COL15A1: variants seen among roughly 807,000 people sequenced by gnomAD.
COL15A1 encodes collagen alpha-1(XV) chain.
COL15A1 carries 111 observed loss-of-function variants against 165.9 expected under a neutral mutation model. The observed-to-expected ratio is 0.67, with a 90% CI of 0.57 to 0.78. The LOEUF (loss-of-function observed/expected upper bound fraction) is 0.78, where lower values mean the gene tolerates loss of function less well. Ranked by LOEUF, COL15A1 falls within the 30% of genes least tolerant of loss-of-function variation. COL15A1 has a pLI of 0.00. For missense variants in COL15A1, 1,745 were observed against 1,789.7 expected, an observed-to-expected ratio of 0.98 and a Z score of 0.45; for synonymous variants, 659 against 674.8, an observed-to-expected ratio of 0.98 and a Z score of 0.36.
intron 14 of COL15A1, among the ~76,000 whole-genome samples, chr9:99,024,475 AG>A (rs1839088240): frequency 6.6e-6 from 1 of 151,962 alleles, no homozygotes; most frequent in Non-Finnish European, 1.5e-5. Context: ...TAGTAGAGAC[AG>A]GGTTTCACCA....
At position 99,015,976 on chromosome 9, in the gene COL15A1, G is replaced by A; in HGVS notation, c.1504G>A (p.Gly502Ser). Reference sequence around the variant, plus strand: ...GCCTTAATGCTGGTTTTGTTTTCAGGGTCCTGGTGATGAAGAAGACTTGGC... The same window carrying A: ...GCCTTAATGCTGGTTTTGTTTTCAGAGTCCTGGTGATGAAGAAGACTTGGC... Reference protein sequence around the residue: ...TMAPERAVTSGPGDEEDLAAA... With the variant: ...TMAPERAVTSSPGDEEDLAAA... Residue 502 changes from glycine to serine, a missense_variant and splice_region_variant, in exon 11 of 42, where the codon GGT becomes AGT. Transcript: ENST00000375001. The A allele has an allele frequency of 1.2e-6, 2 of 1,613,348 alleles. No homozygotes were observed. Among genetic ancestry groups the A allele is most frequent in the Non-Finnish European group, 1.7e-6 (2 of 1,179,670 alleles).
intron 2 of COL15A1, among the ~76,000 whole-genome samples, chr9:98,952,862 G>A (rs1837713962): frequency 6.6e-6 from 1 of 152,098 alleles, no homozygotes; most frequent in Non-Finnish European, 1.5e-5. Flanking sequence ...TGGTATCTCT[G>A]TATTACTGAT....
chr9:99,060,248 A>T (rs1346980336), intron 36 of COL15A1, among the ~76,000 whole-genome samples: 10,264 of 104,048 alleles, frequency 0.099, 624 homozygotes, highest in East Asian at 0.4. Context: ...ATATATATAT[A>T]TATATATATT....
rs1588520820 is a variant in COL15A1 at position 99,024,885 on chromosome 9, A to AC, written c.1871dup (p.Gly625ArgfsTer15). 1 of 1,612,740 alleles carries AC rather than the reference A, an allele frequency of 6.2e-7. No homozygotes were observed. The highest frequency in any genetic ancestry group is 8.5e-7 in the Non-Finnish European group (1 of 1,179,536). ...CTTTGTGTTTTTAGGGTCCTCCAGG[A>AC]CCCCCAGGGCCACCTGGCTTACCTG... On this transcript the variant is annotated frameshift_variant, in exon 15 of 42. Transcript: ENST00000375001. LOFTEE classifies it high-confidence loss of function.
rs752342710 is a variant in COL15A1 at position 99,047,947 on chromosome 9, C to T, written c.2740C>T (p.Pro914Ser). 5.6e-6 allele frequency: 9 copies of T among 1,609,596 alleles called. No individual in the cohort carries two copies. The highest frequency in any genetic ancestry group is 7.6e-6 in the Non-Finnish European group (9 of 1,176,702). The change falls in exon 28 of 42, where the codon CCA (proline) becomes TCA (serine). Residue 914 changes from proline (P) to serine (S), a missense_variant. By Grantham distance (74) the Pro-to-Ser change is moderately conservative. Coordinates refer to ENST00000375001, the MANE Select transcript of COL15A1 (RefSeq NM_001855.5). ...EFGLPGRPGR[P>S]GLNGLKGTKG... is the part of the protein sequence containing the mutation. ...TGTCTGCTGTGGGTTCCAGGGTCGCCCAGGACTGAATGGCCTCAAGGGTAC... is the reference window on the plus strand; with the variant it reads ...TGTCTGCTGTGGGTTCCAGGGTCGCTCAGGACTGAATGGCCTCAAGGGTAC...
Position 99,005,026 on chromosome 9 carries a change from G to A in COL15A1, c.1329G>A (p.Gln443=), listed in dbSNP as rs762809677. The A allele has an allele frequency of 1.9e-6, 3 of 1,611,382 alleles. No individual in the cohort carries two copies. The highest frequency in any genetic ancestry group is 1.3e-5 in the African/African-American group (1 of 74,832). ...AGCTGGACCTCTCCATGTCCGCCCA[G>A]AGCCTCGGGGAAGAGGCCACTGTGG... ...PGELDLSMSA[Q]SLGEEATVGP... is the part of the protein sequence containing the mutation. Residue 443 remains glutamine, a synonymous_variant, in exon 9 of 42, where the codon CAG becomes CAA. Transcript: ENST00000375001.
rs1429898126 is a variant in COL15A1, at chr9:99,023,465, G to A, written c.1854+16G>A. 2 of 1,135,764 alleles carry A rather than the reference G, an allele frequency of 1.8e-6. No individual in the cohort carries two copies. The highest frequency in any genetic ancestry group is 3.1e-5 in the African/African-American group (2 of 65,238). 70.4% of individuals were successfully genotyped at this position (1,135,764 alleles called of 1,614,324 possible). A position where few individuals can be genotyped will look rare whatever the true frequency, so the allele number is the denominator to read the frequency against. On this transcript the variant is annotated intron_variant, in intron 14 of 41. Coordinates refer to ENST00000375001, the MANE Select transcript of COL15A1 (RefSeq NM_001855.5). ...GCTGCTGAGAGTGAGTGTGAAGGAG[G>A]ACACGACCTGGTGTCTGGGACTGCC...
Position 98,985,754 on chromosome 9 carries a change from T to A in COL15A1, c.290T>A (p.Val97Glu). 6.2e-7 allele frequency: 1 copy of A among 1,614,162 alleles called. No homozygotes were observed. Residue 97 changes from valine (V) to glutamate (E), a missense_variant, in exon 3 of 42, where the codon GTG (valine) becomes GAG (glutamate). Physicochemically the swap from Val to Glu is moderately radical, Grantham distance 121. Coordinates refer to ENST00000375001, the MANE Select transcript of COL15A1 (RefSeq NM_001855.5). ...AGGGACTTCGCCATCAGCGTCGTGGTGAAGCCCAGCAGCACCCGTGGTGGC... is the reference window on the plus strand; with the variant it reads ...AGGGACTTCGCCATCAGCGTCGTGGAGAAGCCCAGCAGCACCCGTGGTGGC... ...FFRDFAISVV[V>E]KPSSTRGGVL...
chr9:98,976,530 A>G (rs749407021), intron 2 of COL15A1, among the ~76,000 whole-genome samples: 1 of 151,984 alleles, frequency 6.6e-6, no homozygotes, highest in African/African-American at 2.4e-5. Context: ...CATCGTGGAG[A>G]TGGGAGGGAA....
intron 39 of COL15A1, among the ~76,000 whole-genome samples, chr9:99,065,416 C>T (rs894149140): frequency 3.3e-5 from 5 of 151,694 alleles, no homozygotes; most frequent in South Asian, 2.1e-4. Context: ...AGGAAGAAGA[C>T]GGGGGGTGGG....
chr9:99,032,563 G>T (rs1231635135), intron 16 of COL15A1, among the ~76,000 whole-genome samples: 1 of 152,094 alleles, frequency 6.6e-6, no homozygotes, highest in Non-Finnish European at 1.5e-5. Flanking sequence ...GGGGGGAGGG[G>T]TGCCTTTTAA....
chr9:99,069,540 A>G, intron 41 of COL15A1, 133 bp from the exon 42 acceptor site: 1 of 1,150,158 alleles, frequency 8.7e-7, no homozygotes, highest in Non-Finnish European at 1.2e-6. Context: ...AAGGGCAATG[A>G]GGATAGAGAA....
chr9:98,966,440 C>T (rs1004564540), intron 2 of COL15A1, among the ~76,000 whole-genome samples: 4 of 152,212 alleles, frequency 2.6e-5, no homozygotes, highest in African/African-American at 9.7e-5. Flanking sequence ...TCCCATCCTA[C>T]CTTGCCCCAT....
intron 24 of COL15A1, among the ~76,000 whole-genome samples, chr9:99,042,491 C>G (rs1839424621): frequency 6.6e-6 from 1 of 150,576 alleles, no homozygotes; most frequent in Non-Finnish European, 1.5e-5. Context: ...CTCACACACA[C>G]TGTGCTTTGT....
chr9:99,037,017 C>T (rs1207172590), intron 21 of COL15A1, among the ~76,000 whole-genome samples: 2 of 152,234 alleles, frequency 1.3e-5, no homozygotes, highest in Non-Finnish European at 2.9e-5. Context: ...CTTCATGTCA[C>T]AGGAAACATC....
In COL15A1 at chr9:98,996,989, T is replaced by C; in HGVS notation, c.860T>C (p.Phe287Ser). ...ACACCTCCAACTCCATCCTCCCCCT[T>C]TGAAGACATGGAACTTTCTGGTGAA... is the stretch of plus-strand genomic sequence containing the variant. ...INTPPTPSSP[F>S]EDMELSGEPV... The change falls in exon 6 of 42, where the codon TTT becomes TCT. Residue 287 changes from phenylalanine to serine, a missense_variant. Coordinates refer to ENST00000375001, the MANE Select transcript of COL15A1 (RefSeq NM_001855.5). 1 of 1,614,148 alleles carries C rather than the reference T, an allele frequency of 6.2e-7. No homozygotes were observed. The highest frequency in any genetic ancestry group is 1.1e-5 in the South Asian group (1 of 91,082).
chr9:99,038,087 G>GA (rs1839334530), intron 21 of COL15A1, among the ~76,000 whole-genome samples: 1 of 151,566 alleles, frequency 6.6e-6, no homozygotes, highest in African/African-American at 2.4e-5. Flanking sequence ...CAAATAACTG[G>GA]AAAAAGGATG....
At position 99,047,932 on chromosome 9, in the gene COL15A1, G is replaced by A. The variant is rs372406675; in HGVS notation, c.2734-9G>A. ...GAGGGTTTACTGAGGTGTCTGCTGTGGGTTCCAGGGTCGCCCAGGACTGAA... is the reference window on the plus strand; with the variant it reads ...GAGGGTTTACTGAGGTGTCTGCTGTAGGTTCCAGGGTCGCCCAGGACTGAA... On this transcript the variant is annotated splice_polypyrimidine_tract_variant and intron_variant, in intron 27 of 41. Coordinates refer to ENST00000375001, the MANE Select transcript of COL15A1 (RefSeq NM_001855.5). The A allele has an allele frequency of 4.1e-5, 66 of 1,609,952 alleles. No homozygotes were observed. Among genetic ancestry groups the A allele is most frequent in the African/African-American group, 2.7e-4 (20 of 74,762 alleles).
chr9:99,023,336 G>T, intron 13 of COL15A1, 21 bp from the exon 14 acceptor site: 1 of 1,584,100 alleles, frequency 6.3e-7, no homozygotes, highest in Non-Finnish European at 8.6e-7. Context: ...TGCAAGTAGT[G>T]GAAATTTCTT....
Sources: gnomAD v4.1 joint callset for allele counts (sites outside exome capture counted in the v4.1 genomes callset) on GRCh38, gnomAD v4.1.1 for gene constraint, MANE v1.5 for transcripts, NCBI Gene and HGNC (gene_info 2026-07-23, HGNC 2026-07-21) for gene names.